The following PCGF3 variants were observed in gnomAD, a reference collection of about 807,000 sequenced individuals.
PCGF3 encodes the protein polycomb group RING finger protein 3.
A neutral mutation model predicts 33.1 loss-of-function variants in PCGF3; 7 were observed. The observed-to-expected ratio is 0.21, with a 90% CI of 0.12 to 0.40. PCGF3 has a LOEUF of 0.40. Ranked by LOEUF, PCGF3 falls within the 10% of genes least tolerant of loss-of-function variation. PCGF3 has a pLI of 1.00. For missense variants in PCGF3, 211 were observed against 313.3 expected, an observed-to-expected ratio of 0.67 and a Z score of 2.46; for synonymous variants, 153 against 121.3, an observed-to-expected ratio of 1.26 and a Z score of -1.72.
intron 8 of PCGF3, among the ~76,000 whole-genome samples, chr4:754,405 C>G (rs1744675402): frequency 6.6e-6 from 1 of 152,238 alleles, no homozygotes; most frequent in Non-Finnish European, 1.5e-5. Context: ...TGGAAGTGGG[C>G]TCTGCCTGCA....
At chr4:739,052 G>A (rs367785155) in intron 6 of PCGF3, among the ~76,000 whole-genome samples, 13 of 152,066 alleles carry the variant, frequency 8.5e-5, no homozygotes, top group Admixed American at 7.2e-4. Flanking sequence ...GCTGCAGTAC[G>A]TATCCCCAAA....
chr4:761,491 T>C, intron 9 of PCGF3, 75 bp downstream of exon 9: 1 of 1,459,010 alleles, frequency 6.9e-7, no homozygotes, highest in South Asian at 1.4e-5. Context: ...GATTCTTTGC[T>C]TAGTTTTGTT....
rs780846695 is a variant in PCGF3 at position 765,016 on chromosome 4, C to G, written c.633C>G (p.Gly211=). ...TTTTATGCAACGAGGAGATCCTGGG[C>G]AAGGACCACACACTCAAGTTCGTGG... Residue 211 remains glycine (G), a synonymous_variant, in exon 10 of 11, where the codon GGC becomes GGG. Coordinates refer to ENST00000362003, the Ensembl canonical transcript of PCGF3. 11 of 1,613,804 alleles carry G rather than the reference C, an allele frequency of 6.8e-6. No individual in the cohort carries two copies. In the Admixed American group the frequency reaches 1.5e-4, roughly 22 times the overall value.
intron 8 of PCGF3, among the ~76,000 whole-genome samples, chr4:754,719 G>C (rs941087514): frequency 6.6e-6 from 1 of 152,328 alleles, no homozygotes; most frequent in East Asian, 1.9e-4. Flanking sequence ...TGTGAGATCG[G>C]GGTGTGCTGT....
At chr4:737,766 C>T (rs1252501552) in intron 6 of PCGF3, among the ~76,000 whole-genome samples, 2 of 152,174 alleles carry the variant, frequency 1.3e-5, no homozygotes, top group Non-Finnish European at 2.9e-5. Context: ...ATGTTTAGCA[C>T]ATGGGACCCC....
In PCGF3 at chr4:707,501, GC is replaced by G. The variant is rs773042536; in HGVS notation, c.-190+1533del. 3.5e-4 allele frequency among the ~76,000 whole-genome samples: 43 copies of G among 123,498 alleles called. 2 individuals carry two copies. The highest frequency in any genetic ancestry group is 4.6e-4 in the Admixed American group (6 of 12,964). 81.0% of individuals were successfully genotyped at this position (123,498 alleles called of 152,430 possible). ...CCCTGGGGGCCGGGACCCTGGGACAGCCTGTTTTCACCCGGGGGCCGGGACC... is the reference window on the plus strand; with the variant it reads ...CCCTGGGGGCCGGGACCCTGGGACAGCTGTTTTCACCCGGGGGCCGGGACC... On this transcript the variant is annotated intron_variant, in intron 1 of 10. Transcript: ENST00000362003.
chr4:755,971 G>C (rs1744753144), intron 8 of PCGF3, among the ~76,000 whole-genome samples: 1 of 132,962 alleles, frequency 7.5e-6, no homozygotes, highest in African/African-American at 2.9e-5. Flanking sequence ...TGGAGTGCAA[G>C]GCCTGATCTT....
intron 9 of PCGF3, chr4:762,097 C>T (rs1054576313): frequency 1.0e-6 from 1 of 985,260 alleles, no homozygotes; most frequent in Non-Finnish European, 1.2e-6. Flanking sequence ...CTGTCTGTAG[C>T]AGCAGTGGAC....
intron 8 of PCGF3, among the ~76,000 whole-genome samples, chr4:760,211 C>T (rs181346915): frequency 1.3e-5 from 2 of 152,180 alleles, no homozygotes; most frequent in African/African-American, 4.8e-5. Context: ...TGAGGACTGC[C>T]CTTCACTGTT....
intron 9 of PCGF3, chr4:761,955 G>A (rs1355490972): frequency 1.0e-6 from 1 of 985,270 alleles, no homozygotes; most frequent in Non-Finnish European, 1.2e-6. Context: ...CAGGAGCATG[G>A]GTCTGGTGTC....
intron 3 of PCGF3, among the ~76,000 whole-genome samples, chr4:733,032 C>T (rs1339551038): frequency 1.3e-5 from 2 of 151,922 alleles, no homozygotes; most frequent in African/African-American, 4.9e-5. Context: ...TGTGCCCACC[C>T]TGTGAGGGTA....
intron 9 of PCGF3, chr4:761,677 A>AT: frequency 1.0e-6 from 1 of 985,408 alleles, no homozygotes; most frequent in Non-Finnish European, 1.2e-6. Context: ...CTGTTTTAAA[A>AT]TAGGATAAAG....
chr4:765,535 G>A (rs1317275617), intron 10 of PCGF3, among the ~76,000 whole-genome samples: 5 of 152,244 alleles, frequency 3.3e-5, no homozygotes, highest in Non-Finnish European at 5.9e-5. Flanking sequence ...GAAGGTGCCA[G>A]CTGAGCTGCG....
exon 11 of PCGF3, chr4:766,092 A>G (rs781181865): frequency 3.7e-6 from 6 of 1,613,248 alleles, no homozygotes; most frequent in South Asian, 1.1e-5. Flanking sequence ...GGTGCCACAC[A>G]GCGCCCACAG....
At chr4:750,808 T>G (rs942658319) in intron 8 of PCGF3, among the ~76,000 whole-genome samples, 1 of 152,120 alleles carries the variant, frequency 6.6e-6, no homozygotes, top group Admixed American at 6.6e-5. Flanking sequence ...TACGTAGTTT[T>G]GATGACTTGC....
intron 8 of PCGF3, among the ~76,000 whole-genome samples, chr4:752,348 C>A (rs1227095760): frequency 2.0e-5 from 3 of 152,256 alleles, no homozygotes; most frequent in African/African-American, 7.2e-5. Context: ...ATTTGCTTCA[C>A]AGCTGTTTTT....
intron 1 of PCGF3, among the ~76,000 whole-genome samples, chr4:711,942 A>C (rs1577392978): frequency 7.1e-6 from 1 of 140,618 alleles, no homozygotes. Context: ...GAAGAGTGAG[A>C]CTCTGTCTGA....
intron 6 of PCGF3, among the ~76,000 whole-genome samples, chr4:738,693 CAAAA>C (rs33913968): frequency 1.4e-5 from 2 of 140,556 alleles, no homozygotes; most frequent in Non-Finnish European, 3.1e-5. Flanking sequence ...ACCAAAAATA[CAAAA>C]AAAAAAAAAA....
At chr4:748,940 G>C (rs543420922) in intron 8 of PCGF3, among the ~76,000 whole-genome samples, 2 of 152,246 alleles carry the variant, frequency 1.3e-5, no homozygotes, top group Non-Finnish European at 2.9e-5. Context: ...TGTTCCAGAG[G>C]GGTGCAGGCT....
Sources: gnomAD v4.1 joint callset for allele counts (sites outside exome capture counted in the v4.1 genomes callset) on GRCh38, gnomAD v4.1.1 for gene constraint, MANE v1.5 for transcripts, NCBI Gene and HGNC (gene_info 2026-07-23, HGNC 2026-07-21) for gene names.